MCTP1: variants seen among roughly 807,000 people sequenced by gnomAD.
The protein encoded by MCTP1 is multiple C2 and transmembrane domain-containing protein 1.
In MCTP1, 69 loss-of-function variants were observed where a neutral mutation model predicts 120.6. The observed-to-expected ratio is 0.57, with a 90% CI of 0.47 to 0.70. MCTP1 has a LOEUF of 0.70. MCTP1 is among the 30% of genes least tolerant of loss of function. MCTP1 has a pLI of 0.00. For synonymous variants in MCTP1, 529 were observed against 493.1 expected, an observed-to-expected ratio of 1.07 and a Z score of -0.96; for missense variants, 1,203 against 1,248.8, an observed-to-expected ratio of 0.96 and a Z score of 0.55.
chr5:94,818,882 A>G (rs1005976131), intron 17 of MCTP1, among the ~76,000 whole-genome samples: 1 of 152,178 alleles, frequency 6.6e-6, no homozygotes, highest in Non-Finnish European at 1.5e-5. Context: ...TTTTCTCATC[A>G]TCTTAGAAAA....
At chr5:95,058,208 T>A (rs1747942105) in intron 1 of MCTP1, among the ~76,000 whole-genome samples, 1 of 152,258 alleles carries the variant, frequency 6.6e-6, no homozygotes, top group Admixed American at 6.5e-5. Context: ...TATTTATGAT[T>A]GATTCTTGGA....
At chr5:95,236,862 T>C (rs1755597358) in intron 1 of MCTP1, among the ~76,000 whole-genome samples, 1 of 152,060 alleles carries the variant, frequency 6.6e-6, no homozygotes, top group Admixed American at 6.6e-5. Context: ...TTATGAAGAG[T>C]GCCTCCGTCC....
intron 1 of MCTP1, among the ~76,000 whole-genome samples, chr5:95,141,796 T>C (rs534173828): frequency 6.6e-6 from 1 of 152,286 alleles, no homozygotes; most frequent in Admixed American, 6.5e-5. Flanking sequence ...TAAAATATGT[T>C]TAGAGCAGGA....
intron 9 of MCTP1, among the ~76,000 whole-genome samples, chr5:94,911,555 T>C (rs1308000193): frequency 6.6e-6 from 1 of 152,188 alleles, no homozygotes. Flanking sequence ...ACATGCTTGA[T>C]TCCACTTTGC....
At chr5:94,917,313 T>G (rs1264188459) in intron 8 of MCTP1, among the ~76,000 whole-genome samples, 1 of 152,136 alleles carries the variant, frequency 6.6e-6, no homozygotes, top group Non-Finnish European at 1.5e-5. Flanking sequence ...GAATTAGAAC[T>G]CTTCTTGAGG....
At chr5:95,011,306 G>A (rs949957787) in intron 2 of MCTP1, among the ~76,000 whole-genome samples, 5 of 151,952 alleles carry the variant, frequency 3.3e-5, no homozygotes, top group African/African-American at 7.2e-5. Flanking sequence ...TCCCTTCCAC[G>A]TTTTTTTATT....
intron 1 of MCTP1, among the ~76,000 whole-genome samples, chr5:95,071,991 T>C (rs1465126387): frequency 6.6e-6 from 1 of 152,076 alleles, no homozygotes; most frequent in Admixed American, 6.6e-5. Flanking sequence ...AAAATAAATT[T>C]TCCTTTAGAG....
At chr5:95,164,455 G>A (rs1322137518) in intron 1 of MCTP1, among the ~76,000 whole-genome samples, 2 of 152,100 alleles carry the variant, frequency 1.3e-5, no homozygotes, top group Admixed American at 6.6e-5. Context: ...CCCAAAAAAT[G>A]CTTCATACAG....
intron 2 of MCTP1, among the ~76,000 whole-genome samples, chr5:94,959,199 G>C (rs959118900): frequency 3.9e-5 from 6 of 151,910 alleles, no homozygotes; most frequent in African/African-American, 1.5e-4. Flanking sequence ...ATGCAGAAAA[G>C]GCCTTCAATA....
chr5:94,873,475 A>T (rs1201623163), intron 12 of MCTP1, among the ~76,000 whole-genome samples: 1 of 152,074 alleles, frequency 6.6e-6, no homozygotes, highest in Non-Finnish European at 1.5e-5. Context: ...TAAAAGAGAC[A>T]AAATTATATA....
intron 20 of MCTP1, among the ~76,000 whole-genome samples, chr5:94,711,916 A>T (rs1757182826): frequency 1.3e-5 from 2 of 152,114 alleles, no homozygotes; most frequent in South Asian, 4.1e-4. Context: ...ACTTCTTAAG[A>T]GTGTGCCAAA....
intron 1 of MCTP1, among the ~76,000 whole-genome samples, chr5:95,211,063 T>G (rs1223664489): frequency 6.6e-6 from 1 of 152,154 alleles, no homozygotes; most frequent in Non-Finnish European, 1.5e-5. Context: ...CTGATGGGCT[T>G]CCCTTTGTGG....
intron 1 of MCTP1, among the ~76,000 whole-genome samples, chr5:95,126,064 T>C (rs1688120218): frequency 6.6e-6 from 1 of 152,218 alleles, no homozygotes; most frequent in South Asian, 2.1e-4. Context: ...TGCAATAAAT[T>C]GGTTTTTTGT....
At chr5:94,784,755 A>G (rs1777284386) in intron 18 of MCTP1, 2 of 152,008 alleles carry the variant, frequency 1.3e-5, no homozygotes, top group African/African-American at 4.8e-5. Flanking sequence ...TTAGTGTGAT[A>G]GGCTTGCCAG....
At chr5:94,811,881 A>G (rs1783499638) in intron 17 of MCTP1, among the ~76,000 whole-genome samples, 3 of 152,220 alleles carry the variant, frequency 2.0e-5, no homozygotes, top group African/African-American at 7.2e-5. Context: ...TCATTTTCAG[A>G]AAAGCTTTCA....
chr5:95,125,306 T>C (rs1758541896), intron 1 of MCTP1, among the ~76,000 whole-genome samples: 2 of 152,236 alleles, frequency 1.3e-5, no homozygotes, highest in African/African-American at 4.8e-5. Flanking sequence ...GTTTGAGTTT[T>C]GGTGGAACAA....
In MCTP1 at chr5:94,960,589, A is replaced by G. The variant is rs138165086; in HGVS notation, c.839-7228T>C. Among the ~76,000 whole-genome samples the G allele has an allele frequency of 3.4e-3, 520 of 152,308 alleles. 5 individuals are homozygous for G. Among genetic ancestry groups the G allele is most frequent in the African/African-American group, 0.011 (453 of 41,566 alleles). On this transcript the variant is annotated intron_variant, in intron 2 of 22. Transcript: ENST00000515393. The stretch of plus-strand genomic sequence containing the variant: ...AAATTTAAGAGAAAAAAACAACCCC[A>G]TCAAAAAGTGGGCAAAGGATATGAA...
rs575224106 is a variant in MCTP1, at chr5:95,111,271, T to C, written c.721-93787A>G. On this transcript the variant is annotated intron_variant, in intron 1 of 22. Coordinates refer to ENST00000515393, the MANE Select transcript of MCTP1 (RefSeq NM_024717.7). ...TGTAGTTTATCATAACTAGTGATGA[T>C]AGTGCTTTCTCCAAAGAAAACAAGT... Among the ~76,000 whole-genome samples, 9 of 152,340 alleles carry C rather than the reference T, an allele frequency of 5.9e-5. No individual in the cohort carries two copies. The South Asian group carries it at 8.3e-4, about 14-fold the overall frequency.
chr5:94,886,669 T>C (rs938280055), intron 12 of MCTP1, among the ~76,000 whole-genome samples: 1 of 152,186 alleles, frequency 6.6e-6, no homozygotes, highest in African/African-American at 2.4e-5. Flanking sequence ...GGACGCTAAG[T>C]TGAGGATTTG....
Sources: allele counts gnomAD v4.1 joint callset (sites outside exome capture counted in the v4.1 genomes callset), GRCh38; gene constraint gnomAD v4.1.1; transcripts MANE v1.5; gene names NCBI Gene and HGNC (gene_info 2026-07-23, HGNC 2026-07-21).